The following FOXK1 variants were observed in gnomAD, a reference collection of about 807,000 sequenced individuals.
FOXK1 encodes forkhead box protein K1.
A neutral mutation model predicts 51.9 loss-of-function variants in FOXK1; 19 were observed. That is an observed-to-expected ratio of 0.37 (90% CI 0.26 to 0.54). The LOEUF (loss-of-function observed/expected upper bound fraction) is 0.54. Among genes scored for constraint, FOXK1 ranks in the 20% least tolerant of loss-of-function variants. FOXK1 has a pLI of 0.87. For synonymous variants in FOXK1, 537 were observed against 482.6 expected, an observed-to-expected ratio of 1.11 and a Z score of -1.48; for missense variants, 870 against 1,032.7, an observed-to-expected ratio of 0.84 and a Z score of 2.16.
chr7:4,702,602 T>C (rs995788060), intron 1 of FOXK1, among the ~76,000 whole-genome samples: 6 of 152,234 alleles, frequency 3.9e-5, no homozygotes, highest in African/African-American at 1.4e-4. Context: ...GGCCTTGGCC[T>C]CCCAAAGTGC....
chr7:4,705,563 C>G (rs1318372661), intron 1 of FOXK1, among the ~76,000 whole-genome samples: 1 of 151,320 alleles, frequency 6.6e-6, no homozygotes, highest in Admixed American at 6.6e-5. Context: ...CTCTCTCGCT[C>G]TCGCTCTCTC....
At chr7:4,702,202 G>A (rs943051108) in intron 1 of FOXK1, among the ~76,000 whole-genome samples, 10 of 152,092 alleles carry the variant, frequency 6.6e-5, no homozygotes, top group African/African-American at 2.4e-4. Context: ...TAAAATTGAG[G>A]TCCCCTGTCC....
In FOXK1 at chr7:4,749,350, G is replaced by A. The variant is rs1031015667; in HGVS notation, c.747-5109G>A. ...GTAGAAGCTTCCTCAAACCACAGATGTGCCTTGGCCGGCTGTTGTGTTTAA... is the reference window on the plus strand; with the variant it reads ...GTAGAAGCTTCCTCAAACCACAGATATGCCTTGGCCGGCTGTTGTGTTTAA... On this transcript the variant is annotated intron_variant, in intron 2 of 8. Transcript: ENST00000328914. This position sits in a 1 kb window ranked among gnomAD's most constrained non-coding sequence, Gnocchi z 6.0. Among the ~76,000 whole-genome samples, 4 of 152,160 alleles carry A rather than the reference G, an allele frequency of 2.6e-5. No homozygotes were observed. The highest frequency in any genetic ancestry group is 9.7e-5 in the African/African-American group (4 of 41,438).
intron 1 of FOXK1, among the ~76,000 whole-genome samples, chr7:4,712,126 A>G (rs1780182729): frequency 1.3e-5 from 2 of 151,384 alleles, no homozygotes; most frequent in South Asian, 2.1e-4. Flanking sequence ...CCTTTATACC[A>G]TAAGATGGGG....
intron 1 of FOXK1, among the ~76,000 whole-genome samples, chr7:4,713,589 G>T (rs1015119589): frequency 4.7e-5 from 7 of 150,410 alleles, no homozygotes; most frequent in Admixed American, 4.0e-4. Flanking sequence ...CCTCCTGGGT[G>T]CAAGTGATTC....
rs1458798459 is a variant in FOXK1 at position 4,764,851 on chromosome 7, G to A, written c.*2387G>A. On this transcript the variant is annotated 3_prime_UTR_variant, in exon 9 of 9. Transcript: ENST00000328914. ...GGTCACAAATCGAGGTCGCCTTTTGGCCTGGTCTGCTCAGGCTGGCCCTGA... is the reference window on the plus strand; with the variant it reads ...GGTCACAAATCGAGGTCGCCTTTTGACCTGGTCTGCTCAGGCTGGCCCTGA... 2.6e-5 allele frequency: 4 copies of A among 152,356 alleles called. No individual in the cohort carries two copies. In the East Asian group the frequency reaches 7.7e-4, roughly 29 times the overall value. 9.4% of individuals were successfully genotyped at this position (152,356 alleles called of 1,614,324 possible).
chr7:4,715,773 C>CCT lies in FOXK1; in HGVS notation c.561-25064_561-25063insTC, dbSNP rs1780225855. On this transcript the variant is annotated intron_variant, in intron 1 of 8. Coordinates refer to ENST00000328914, the MANE Select transcript of FOXK1 (RefSeq NM_001037165.2). The surrounding 1 kb of genome is among the most constrained non-coding windows in gnomAD (Gnocchi z 4.5). ...ACCCTGAGGTTCCCTCACAGCGAAT[C>CCT]CACCGAAGAGCGCTCCCATCCACAG... 6.6e-6 allele frequency among the ~76,000 whole-genome samples: 1 copy of CCT among 152,138 alleles called. No individual in the cohort carries two copies. Among genetic ancestry groups the CCT allele is most frequent in the African/African-American group, 2.4e-5 (1 of 41,430 alleles).
chr7:4,736,430 TA>T (rs1780553278), intron 1 of FOXK1, among the ~76,000 whole-genome samples: 1 of 151,552 alleles, frequency 6.6e-6, no homozygotes, highest in Non-Finnish European at 1.5e-5. Context: ...TTTTTTTTTT[TA>T]AGACAGAGTT....
chr7:4,717,305 A>T (rs116471146), intron 1 of FOXK1, among the ~76,000 whole-genome samples: 1 of 78,222 alleles, frequency 1.3e-5, no homozygotes, highest in African/African-American at 5.3e-5. Context: ...GTGTGGATGG[A>T]AGGTGGTGGC....
chr7:4,725,460 G>A (rs148660806), intron 1 of FOXK1, among the ~76,000 whole-genome samples: 1 of 152,224 alleles, frequency 6.6e-6, no homozygotes, highest in Admixed American at 6.5e-5. Flanking sequence ...CAGCCAGGGG[G>A]ACACGGCCTC....
chr7:4,769,667 C>T lies in FOXK1; in HGVS notation c.*7203C>T, dbSNP rs1379765695. On this transcript the variant is annotated 3_prime_UTR_variant, in exon 9 of 9. Transcript: ENST00000328914. This position sits in a 1 kb window ranked among gnomAD's most constrained non-coding sequence, Gnocchi z 4.1. ...TGTTGGTCAGGCTGGTCTTGAACTC[C>T]TGACCTCAGGTGATCTGCCCACCTC... 6.6e-6 allele frequency: 1 copy of T among 152,232 alleles called. No homozygotes were observed. The highest frequency in any genetic ancestry group is 2.4e-5 in the African/African-American group (1 of 41,442). 9.4% of individuals were successfully genotyped at this position (152,232 alleles called of 1,614,324 possible).
intron 1 of FOXK1, among the ~76,000 whole-genome samples, chr7:4,710,720 G>A (rs1389185209): frequency 6.6e-6 from 1 of 152,154 alleles, no homozygotes; most frequent in East Asian, 1.9e-4. Context: ...CATTCAGGGC[G>A]AGGGTGCGGT....
At chr7:4,752,586 G>C (rs569724404) in intron 2 of FOXK1, among the ~76,000 whole-genome samples, 3 of 152,210 alleles carry the variant, frequency 2.0e-5, no homozygotes, top group Non-Finnish European at 4.4e-5. Context: ...CCAGGAGCCC[G>C]CCTGCCACCT....
chr7:4,713,603 T>G (rs1404093366), intron 1 of FOXK1, among the ~76,000 whole-genome samples: 1 of 150,652 alleles, frequency 6.6e-6, no homozygotes, highest in Non-Finnish European at 1.5e-5. Context: ...GTGATTCTCC[T>G]GCCTTAGCCT....
chr7:4,710,464 C>A lies in FOXK1; in HGVS notation c.560+27596C>A, dbSNP rs562296671. Among the ~76,000 whole-genome samples the A allele has an allele frequency of 1.4e-4, 22 of 152,230 alleles. No homozygotes were observed. The South Asian group carries it at 1.9e-3, about 13-fold the overall frequency. ...GTGAGGGGTGCCTGTAATCCCAGCT[C>A]CTCCGGAGGCCGAGGCAGGAGAATC... is the stretch of plus-strand genomic sequence containing the variant. On this transcript the variant is annotated intron_variant, in intron 1 of 8. Coordinates refer to ENST00000328914, the MANE Select transcript of FOXK1 (RefSeq NM_001037165.2).
rs1313691055 is a variant in FOXK1, at chr7:4,747,962, C to T, written c.747-6497C>T. On this transcript the variant is annotated intron_variant, in intron 2 of 8. Coordinates refer to ENST00000328914, the MANE Select transcript of FOXK1 (RefSeq NM_001037165.2). The surrounding 1 kb of genome is among the most constrained non-coding windows in gnomAD (Gnocchi z 9.2). ...CGGGACTCAAGCGATCCTCCCACCT[C>T]AGCCGTGACTACAGGAGCAATCCAC... Among the ~76,000 whole-genome samples the T allele has an allele frequency of 6.6e-6, 1 of 152,224 alleles. No homozygotes were observed. Among genetic ancestry groups the T allele is most frequent in the Non-Finnish European group, 1.5e-5 (1 of 68,046 alleles).
intron 1 of FOXK1, among the ~76,000 whole-genome samples, chr7:4,728,750 AAG>A (rs1554252109): frequency 2.0e-4 from 30 of 150,106 alleles, no homozygotes; most frequent in East Asian, 1.4e-3. Flanking sequence ...AAAAAAAAAA[AAG>A]AAAGAAAAGA....
In FOXK1 at chr7:4,759,291, G is replaced by T. The variant is rs775135870; in HGVS notation, c.1412-20G>T. ...GGGGGTGCGGGAGGGGTCACCGTCC[G>T]CTCTCCGCCCTCCGTGCAGGCTCCC... On this transcript the variant is annotated intron_variant, in intron 6 of 8. Coordinates refer to ENST00000328914, the MANE Select transcript of FOXK1 (RefSeq NM_001037165.2). 28 of 1,601,696 alleles carry T rather than the reference G, an allele frequency of 1.7e-5. No individual in the cohort carries two copies. The highest frequency in any genetic ancestry group is 2.4e-5 in the Non-Finnish European group (28 of 1,178,118).
chr7:4,732,852 C>G (rs1250344251), intron 1 of FOXK1, among the ~76,000 whole-genome samples: 1 of 152,222 alleles, frequency 6.6e-6, no homozygotes, highest in Non-Finnish European at 1.5e-5. Flanking sequence ...GCCCCTTACA[C>G]GTGTGCCTCT....
Sources: gnomAD v4.1 joint callset for allele counts (sites outside exome capture counted in the v4.1 genomes callset) on GRCh38, gnomAD v4.1.1 for gene constraint, Gnocchi (gnomAD v3.1) non-coding constraint, MANE v1.5 for transcripts, NCBI Gene and HGNC (gene_info 2026-07-23, HGNC 2026-07-21) for gene names.